The following CDH18 variants were observed in gnomAD, a reference collection of about 807,000 sequenced individuals.
The protein encoded by CDH18 is cadherin-18.
CDH18 carries 31 observed loss-of-function variants against 67.9 expected under a neutral mutation model. The ratio of observed to expected loss-of-function variants is 0.46; its 90% CI spans 0.34 to 0.62. The LOEUF is 0.62. CDH18 is among the 20% of genes least tolerant of loss of function. The pLI, the probability that CDH18 is intolerant of heterozygous loss-of-function variation, is 0.01. For missense variants in CDH18, 890 were observed against 975.5 expected (o/e 0.91, Z 1.17); for synonymous variants, 362 against 347.2 (o/e 1.04, Z -0.48).
At chr5:20,198,265 G>T (rs1271503359) in intron 2 of CDH18, among the ~76,000 whole-genome samples, 2 of 152,106 alleles carry the variant, frequency 1.3e-5, no homozygotes, top group Non-Finnish European at 2.9e-5. Flanking sequence ...AAGACAGAAA[G>T]ATGTGGGAAA....
At chr5:20,438,892 A>C (rs976158472) in intron 1 of CDH18, among the ~76,000 whole-genome samples, 5 of 151,584 alleles carry the variant, frequency 3.3e-5, no homozygotes, top group African/African-American at 1.2e-4. Context: ...GAAACACTGA[A>C]AAATGAGACA....
intron 1 of CDH18, among the ~76,000 whole-genome samples, chr5:20,497,720 T>C (rs896688238): frequency 1.3e-5 from 2 of 152,108 alleles, no homozygotes; most frequent in African/African-American, 4.8e-5. Flanking sequence ...AAATAATGCA[T>C]GAAAAATAAA....
intron 1 of CDH18, among the ~76,000 whole-genome samples, chr5:20,387,903 C>G (rs1249370427): frequency 1.3e-5 from 2 of 151,406 alleles, no homozygotes; most frequent in African/African-American, 4.8e-5. Context: ...AGCCTTGCAT[C>G]CCAGGGATGA....
intron 2 of CDH18, among the ~76,000 whole-genome samples, chr5:20,004,107 T>C (rs895544104): frequency 1.3e-5 from 2 of 152,204 alleles, no homozygotes; most frequent in African/African-American, 4.8e-5. Flanking sequence ...TCCAAACTTC[T>C]AGGGATTGTC....
intron 1 of CDH18, among the ~76,000 whole-genome samples, chr5:20,491,518 G>C (rs768246001): frequency 2.7e-4 from 41 of 152,182 alleles, no homozygotes; most frequent in Non-Finnish European, 5.4e-4. Flanking sequence ...CAGATGAGCT[G>C]GCAGGTGGAG....
chr5:19,654,345 T>A (rs766906087), intron 5 of CDH18, among the ~76,000 whole-genome samples: 1 of 152,206 alleles, frequency 6.6e-6, no homozygotes, highest in Non-Finnish European at 1.5e-5. Flanking sequence ...TATTTGAAAC[T>A]ACAATATGTT....
chr5:19,645,131 G>GT (rs1191160054), intron 5 of CDH18, among the ~76,000 whole-genome samples: 2 of 152,196 alleles, frequency 1.3e-5, no homozygotes, highest in Non-Finnish European at 2.9e-5. Flanking sequence ...CTCAATAAAT[G>GT]TTATCCAATA....
intron 2 of CDH18, among the ~76,000 whole-genome samples, chr5:20,134,655 C>G (rs1749548344): frequency 6.6e-6 from 1 of 152,130 alleles, no homozygotes; most frequent in Non-Finnish European, 1.5e-5. Context: ...GGGGACACAG[C>G]CAAACCATAT....
intron 2 of CDH18, among the ~76,000 whole-genome samples, chr5:19,843,642 C>T (rs971847264): frequency 1.3e-5 from 2 of 152,190 alleles, no homozygotes; most frequent in African/African-American, 4.8e-5. Flanking sequence ...CTTCCAGAAA[C>T]CAGAATTGTA....
At chr5:20,037,233 G>GT (rs1189163921) in intron 2 of CDH18, among the ~76,000 whole-genome samples, 1 of 152,036 alleles carries the variant, frequency 6.6e-6, no homozygotes, top group African/African-American at 2.4e-5. Context: ...AATTTGGTAT[G>GT]TTTTTACAGC....
chr5:19,762,473 C>T (rs972941152), intron 3 of CDH18, among the ~76,000 whole-genome samples: 1 of 152,086 alleles, frequency 6.6e-6, no homozygotes, highest in Non-Finnish European at 1.5e-5. Context: ...TTTATGCAGC[C>T]AACAGACACA....
chr5:20,108,906 T>C (rs1351102130), intron 2 of CDH18, among the ~76,000 whole-genome samples: 1 of 152,210 alleles, frequency 6.6e-6, no homozygotes, highest in East Asian at 1.9e-4. Context: ...TTTCCTAATA[T>C]GTAAAAGGTA....
chr5:19,527,146 C>T (rs1747866852), intron 9 of CDH18, among the ~76,000 whole-genome samples: 1 of 151,682 alleles, frequency 6.6e-6, no homozygotes, highest in Admixed American at 6.6e-5. Flanking sequence ...CCATTATTTT[C>T]TTTAATAAAC....
chr5:19,898,881 G>T (rs1789631568), intron 2 of CDH18, among the ~76,000 whole-genome samples: 1 of 152,034 alleles, frequency 6.6e-6, no homozygotes, highest in Non-Finnish European at 1.5e-5. Flanking sequence ...CTTATGAAAT[G>T]GGAGAAATAT....
intron 12 of CDH18, among the ~76,000 whole-genome samples, chr5:19,474,610 T>A (rs1237462159): frequency 6.6e-6 from 1 of 151,892 alleles, no homozygotes; most frequent in Non-Finnish European, 1.5e-5. Flanking sequence ...ATAACCAAGA[T>A]CAAAAGATAA....
At chr5:19,530,939 G>T (rs1041484112) in intron 9 of CDH18, among the ~76,000 whole-genome samples, 2 of 152,028 alleles carry the variant, frequency 1.3e-5, no homozygotes, top group Non-Finnish European at 2.9e-5. Context: ...TTCGGCTCGC[G>T]CATGGTGTGC....
At chr5:19,784,898 A>AT (rs1013875936) in intron 3 of CDH18, among the ~76,000 whole-genome samples, 5 of 152,038 alleles carry the variant, frequency 3.3e-5, no homozygotes, top group African/African-American at 9.7e-5. Context: ...ACCTCAAGCA[A>AT]TTTTTTTCTA....
chr5:20,329,485 G>A (rs898596084), intron 1 of CDH18, among the ~76,000 whole-genome samples: 3 of 151,984 alleles, frequency 2.0e-5, no homozygotes, highest in African/African-American at 4.8e-5. Flanking sequence ...AAATGGGGCC[G>A]GGCATGGTTG....
chr5:19,537,261 T>C (rs1749563723), intron 9 of CDH18, among the ~76,000 whole-genome samples: 3 of 152,090 alleles, frequency 2.0e-5, no homozygotes, highest in Non-Finnish European at 4.4e-5. Flanking sequence ...TCTATAGCAG[T>C]CTGCCTGCCT....
Sources: allele counts gnomAD v4.1 joint callset (sites outside exome capture counted in the v4.1 genomes callset), GRCh38; gene constraint gnomAD v4.1.1; transcripts MANE v1.5; gene names NCBI Gene and HGNC (gene_info 2026-07-23, HGNC 2026-07-21).